Variants in PRIM2 observed in about 807,000 individuals in gnomAD.
The protein encoded by PRIM2 is DNA primase subunit 2.
In PRIM2, 39 loss-of-function variants were observed where a neutral mutation model predicts 67.3. The ratio of observed to expected loss-of-function variants is 0.58; its 90% CI spans 0.45 to 0.76. The LOEUF is 0.76. Ranked by LOEUF, PRIM2 falls within the 30% of genes least tolerant of loss-of-function variation. The pLI is 0.00. For missense variants in PRIM2, 398 were observed against 598.7 expected (o/e 0.66, Z 3.50); for synonymous variants, 143 against 198.7 (o/e 0.72, Z 2.36).
rs1367303340 is a variant in PRIM2 at position 57,382,089 on chromosome 6, G to A, written c.614G>A (p.Gly205Asp). Reference sequence around the variant, plus strand: ...GGAAGGAAAGTCTATTTGGAAGATGGCTTTGCTTACGTACCACTTAAGGAC... The same window carrying A: ...GGAAGGAAAGTCTATTTGGAAGATGACTTTGCTTACGTACCACTTAAGGAC... Reference protein sequence around the residue: ...FRGRKVYLEDGFAYVPLKDIV... With the variant: ...FRGRKVYLEDDFAYVPLKDIV... Residue 205 changes from glycine to aspartate, a missense_variant, in exon 7 of 14, where the codon GGC becomes GAC. Around this residue, in one of 4 missense-constraint regions of PRIM2, gnomAD observed 229 missense variants for 383.6 expected, o/e 0.60. Coordinates refer to ENST00000615550, the MANE Select transcript of PRIM2 (RefSeq NM_000947.5). 1 of 1,613,040 alleles carries A rather than the reference G, an allele frequency of 6.2e-7. No individual in the cohort carries two copies. The highest frequency in any genetic ancestry group is 1.7e-5 in the Admixed American group (1 of 59,880).
At chr6:57,348,909 G>A (rs1177859944) in intron 5 of PRIM2, among the ~76,000 whole-genome samples, 1 of 151,958 alleles carries the variant, frequency 6.6e-6, no homozygotes, top group Non-Finnish European at 1.5e-5. Flanking sequence ...ACCCCGACCA[G>A]CTAATTTTTG....
intron 6 of PRIM2, 106 bp downstream of exon 6, chr6:57,380,102 T>TAA: frequency 2.3e-6 from 2 of 867,226 alleles, no homozygotes; most frequent in Non-Finnish European, 3.5e-6. Flanking sequence ...TCATCACAGC[T>TAA]ACTCTGTCTC....
chr6:57,555,802 A>G, intron 10 of PRIM2, among the ~76,000 whole-genome samples: 1 of 152,266 alleles, frequency 6.6e-6, no homozygotes, highest in East Asian at 1.9e-4. Flanking sequence ...TGAAAAATAA[A>G]AACAAAATAT....
chr6:57,309,773 G>A, the PRIM2 span, among the ~76,000 whole-genome samples: 1 of 152,156 alleles, frequency 6.6e-6, no homozygotes, highest in Non-Finnish European at 1.5e-5. Flanking sequence ...CTAGTTTACA[G>A]TCCCACTAAC....
the PRIM2 span, among the ~76,000 whole-genome samples, chr6:57,277,322 T>C: frequency 1.3e-5 from 2 of 152,184 alleles, no homozygotes; most frequent in African/African-American, 4.8e-5. Flanking sequence ...AGCTTAGGTG[T>C]CTGGCAGGCA....
chr6:57,291,917 T>C, the PRIM2 span, among the ~76,000 whole-genome samples: 7 of 152,192 alleles, frequency 4.6e-5, no homozygotes, highest in Non-Finnish European at 7.3e-5. Context: ...ACTGGAAGCA[T>C]TCCCTTTGAA....
At chr6:57,239,021 C>T in the PRIM2 span, among the ~76,000 whole-genome samples, 1 of 151,794 alleles carries the variant, frequency 6.6e-6, no homozygotes, top group African/African-American at 2.4e-5. Context: ...GACAAGGTCT[C>T]ACTCTGTCGT....
intron 5 of PRIM2, among the ~76,000 whole-genome samples, chr6:57,350,287 T>C (rs1169218122): frequency 1.3e-5 from 2 of 152,208 alleles, no homozygotes; most frequent in Non-Finnish European, 2.9e-5. Context: ...TATAGAATCC[T>C]AGAAATCATC....
At chr6:57,444,059 T>G (rs1174394247) in intron 7 of PRIM2, among the ~76,000 whole-genome samples, 1 of 152,214 alleles carries the variant, frequency 6.6e-6, no homozygotes, top group African/African-American at 2.4e-5. Flanking sequence ...ACCTTTGTTT[T>G]AAATCAGTTG....
At chr6:57,283,474 A>G in the PRIM2 span, among the ~76,000 whole-genome samples, 18 of 152,176 alleles carry the variant, frequency 1.2e-4, no homozygotes, top group African/African-American at 4.1e-4. Flanking sequence ...TCAAAGAGGC[A>G]CTTCTCCATA....
At chr6:57,547,919 T>A (rs1393141847) in intron 10 of PRIM2, among the ~76,000 whole-genome samples, 1 of 152,186 alleles carries the variant, frequency 6.6e-6, no homozygotes, top group African/African-American at 2.4e-5. Context: ...TTGTTAGGAT[T>A]TTTTATTTCA....
the PRIM2 span, among the ~76,000 whole-genome samples, chr6:57,276,374 G>A: frequency 6.6e-6 from 1 of 151,634 alleles, no homozygotes; most frequent in East Asian, 2.0e-4. Context: ...CTGGGCAACA[G>A]AGTGAGACTG....
the PRIM2 span, among the ~76,000 whole-genome samples, chr6:57,286,558 C>T: frequency 7.2e-5 from 11 of 151,992 alleles, no homozygotes; most frequent in Admixed American, 2.0e-4. Context: ...TAGCCATATA[C>T]GGAAAACAGA....
the PRIM2 span, among the ~76,000 whole-genome samples, chr6:57,298,022 A>G: frequency 6.6e-6 from 1 of 152,186 alleles, no homozygotes; most frequent in Non-Finnish European, 1.5e-5. Context: ...GTTACTTCTC[A>G]CTTTTTATAC....
chr6:57,452,029 G>A (rs1251084731), intron 7 of PRIM2, among the ~76,000 whole-genome samples: 143 of 150,858 alleles, frequency 9.5e-4, no homozygotes, highest in African/African-American at 3.4e-3. Context: ...GAGAACATGC[G>A]GTGTTTGGGT....
chr6:57,226,087 G>A, the PRIM2 span, among the ~76,000 whole-genome samples: 1 of 152,118 alleles, frequency 6.6e-6, no homozygotes, highest in African/African-American at 2.4e-5. Flanking sequence ...GGACTGTGCT[G>A]AACATTGGGT....
intron 8 of PRIM2, among the ~76,000 whole-genome samples, chr6:57,527,716 C>T (rs1774789619): frequency 1.3e-5 from 2 of 152,202 alleles, no homozygotes. Context: ...AACAATCCCC[C>T]TGCCCCCCAG....
intron 5 of PRIM2, among the ~76,000 whole-genome samples, chr6:57,341,183 T>C (rs1768473017): frequency 6.6e-6 from 1 of 152,164 alleles, no homozygotes; most frequent in African/African-American, 2.4e-5. Flanking sequence ...CTTTGCCTTC[T>C]TGTGTGACTA....
the PRIM2 span, among the ~76,000 whole-genome samples, chr6:57,240,091 G>GTT: frequency 1.0e-3 from 93 of 89,992 alleles, 1 homozygote; most frequent in African/African-American, 2.6e-3. Flanking sequence ...TCAATAATCT[G>GTT]TTTTTTTTTT....
Sources: gnomAD v4.1 joint callset for allele counts (sites outside exome capture counted in the v4.1 genomes callset) on GRCh38, gnomAD v4.1.1 for gene constraint, gnomAD v4.1.1 regional missense constraint, MANE v1.5 for transcripts, NCBI Gene and HGNC (gene_info 2026-07-23, HGNC 2026-07-21) for gene names.